Variants in NUBPL observed in about 807,000 individuals in gnomAD.
The protein encoded by NUBPL is NUBP iron-sulfur cluster assembly factor, mitochondrial, also known as iron-sulfur cluster transfer protein NUBPL.
In NUBPL, 31 loss-of-function variants were observed where a neutral mutation model predicts 45.7. The ratio of observed to expected loss-of-function variants is 0.68; its 90% confidence interval spans 0.51 to 0.92. The LOEUF (loss-of-function observed/expected upper bound fraction) is 0.92, where lower values mean the gene tolerates loss of function less well. NUBPL is among the 40% of genes least tolerant of loss of function. NUBPL has a pLI of 0.00. For synonymous variants in NUBPL, 144 were observed against 140.9 expected, an observed-to-expected ratio of 1.02 and a Z score of -0.15; for missense variants, 401 against 398.7, an observed-to-expected ratio of 1.01 and a Z score of -0.05.
At chr14:31,637,244 C>T (rs1287453722) in intron 4 of NUBPL, among the ~76,000 whole-genome samples, 1 of 152,228 alleles carries the variant, frequency 6.6e-6, no homozygotes, top group Non-Finnish European at 1.5e-5. Flanking sequence ...AAATTTCCCT[C>T]TACATACTGC....
intron 6 of NUBPL, among the ~76,000 whole-genome samples, chr14:31,712,388 C>A (rs1304790332): frequency 2.6e-5 from 4 of 152,342 alleles, no homozygotes; most frequent in African/African-American, 9.6e-5. Context: ...GGGAGTTCGT[C>A]CCCTGATCAA....
chr14:31,601,373 C>A (rs920650372), intron 4 of NUBPL, among the ~76,000 whole-genome samples: 4 of 152,172 alleles, frequency 2.6e-5, no homozygotes, highest in Admixed American at 6.5e-5. Flanking sequence ...GATATTGATT[C>A]TTCCTACCCA....
chr14:31,707,398 T>C (rs1343687055), intron 6 of NUBPL, among the ~76,000 whole-genome samples: 3 of 152,232 alleles, frequency 2.0e-5, no homozygotes, highest in Non-Finnish European at 2.9e-5. Context: ...TCCATCTCTC[T>C]TTCTTTCTCT....
intron 1 of NUBPL, 189 bp from the exon 2 acceptor site, chr14:31,561,879 T>C (rs1369319953): frequency 4.7e-6 from 3 of 640,934 alleles, no homozygotes; most frequent in Non-Finnish European, 8.0e-6. Flanking sequence ...GCTAGAAAAA[T>C]TTCAATTTAA....
intron 4 of NUBPL, among the ~76,000 whole-genome samples, chr14:31,618,212 T>C (rs888201344): frequency 7.9e-5 from 12 of 152,176 alleles, no homozygotes; most frequent in Admixed American, 5.9e-4. Flanking sequence ...TTGTTAATCT[T>C]TTCAAAATAC....
At chr14:31,662,153 T>C (rs1243096754) in intron 4 of NUBPL, 1 of 152,018 alleles carries the variant, frequency 6.6e-6, no homozygotes, top group African/African-American at 2.4e-5. Flanking sequence ...CCTGTTAAAT[T>C]TTAAAGAAAC....
At position 31,562,203 on chromosome 14, in the gene NUBPL, T is replaced by C; in HGVS notation, c.244T>C (p.Ser82Pro). 1 of 1,613,826 alleles carries C rather than the reference T, an allele frequency of 6.2e-7. No homozygotes were observed. ...TTCTGGAAAGGGTGGAGTCGGAAAA[T>C]CTACTACAGCAGGTATTATAGGATA... ...VASGKGGVGK[S>P]TTAVNLALAL... The change falls in exon 2 of 11, where the codon TCT (serine) becomes CCT (proline). Residue 82 changes from serine (S) to proline (P), a missense_variant. Ser to Pro is a moderately conservative substitution (Grantham distance 74). Transcript: ENST00000281081.
chr14:31,770,916 TTTC>T (rs1452402554), intron 6 of NUBPL, among the ~76,000 whole-genome samples: 2 of 152,346 alleles, frequency 1.3e-5, no homozygotes, highest in African/African-American at 4.8e-5. Context: ...TCTCAGTTGA[TTTC>T]TTATTTGCTA....
intron 3 of NUBPL, among the ~76,000 whole-genome samples, chr14:31,577,452 G>A (rs1281842538): frequency 2.0e-4 from 31 of 152,052 alleles, no homozygotes; most frequent in Admixed American, 2.0e-3. Context: ...CTTACTCTGT[G>A]GCCCAGGCTA....
intron 4 of NUBPL, among the ~76,000 whole-genome samples, chr14:31,625,476 T>C (rs1455689375): frequency 7.4e-6 from 1 of 135,736 alleles, no homozygotes; most frequent in Non-Finnish European, 1.7e-5. Context: ...TTCTTTTCTT[T>C]CTTTTTTTTT....
chr14:31,662,140 G>A (rs1307120282), intron 4 of NUBPL: 2 of 151,832 alleles, frequency 1.3e-5, no homozygotes, highest in Admixed American at 6.6e-5. Context: ...GCCAAAGTGA[G>A]TACCTGTTAA....
chr14:31,747,383 C>T (rs1018413730), intron 6 of NUBPL, among the ~76,000 whole-genome samples: 2 of 152,100 alleles, frequency 1.3e-5, no homozygotes, highest in East Asian at 3.9e-4. Context: ...GTGGTCCACC[C>T]GCCTTGGCCT....
chr14:31,688,592 G>GAAAAAAAAAAA (rs544662104), intron 6 of NUBPL, among the ~76,000 whole-genome samples: 21 of 75,668 alleles, frequency 2.8e-4, no homozygotes, highest in South Asian at 5.0e-4. Context: ...AGAAAAAAAA[G>GAAAAAAAAAAA]AAAAAAAAAA....
intron 3 of NUBPL, among the ~76,000 whole-genome samples, chr14:31,584,218 G>A (rs1023069827): frequency 6.6e-6 from 1 of 151,804 alleles, no homozygotes; most frequent in Non-Finnish European, 1.5e-5. Flanking sequence ...TCTGCCTCCC[G>A]GGCTCAAGCA....
chr14:31,672,271 A>ATGTGTG (rs1491399039), intron 4 of NUBPL, among the ~76,000 whole-genome samples: 4 of 57,392 alleles, frequency 7.0e-5, no homozygotes, highest in Non-Finnish European at 1.0e-4. Flanking sequence ...GACTGATTAG[A>ATGTGTG]TATGTGTGTG....
intron 6 of NUBPL, among the ~76,000 whole-genome samples, chr14:31,686,296 G>A (rs1335079553): frequency 6.6e-6 from 1 of 152,168 alleles, no homozygotes; most frequent in African/African-American, 2.4e-5. Flanking sequence ...TGAAGTCCTG[G>A]TTTCAAGAAA....
rs533885277 is a variant in NUBPL at position 31,729,316 on chromosome 14, A to G, written c.513+55742A>G. 1.3e-4 allele frequency among the ~76,000 whole-genome samples: 17 copies of G among 135,274 alleles called. No individual in the cohort carries two copies. The South Asian group carries it at 3.7e-3, about 29-fold the overall frequency. 88.7% of individuals were successfully genotyped at this position (135,274 alleles called of 152,430 possible). A position where few individuals can be genotyped will look rare whatever the true frequency, so the allele number is the denominator to read the frequency against. ...AAAAAAAGTCATTCAACAAATATGT[A>G]TATCTTACCCCAGACACCATATGCA... On this transcript the variant is annotated intron_variant, in intron 6 of 10. Coordinates refer to ENST00000281081, the MANE Select transcript of NUBPL (RefSeq NM_025152.3).
In NUBPL at chr14:31,739,179, A is replaced by AAT. The variant is rs764759367; in HGVS notation, c.514-48586_514-48585dup. ...CAGATGCCCGCCACCACACCTGGCTAATATATATATATATATTATATTCTA... is the reference window on the plus strand; with the variant it reads ...CAGATGCCCGCCACCACACCTGGCTAATATATATATATATATATTATATTCTA... On this transcript the variant is annotated intron_variant, in intron 6 of 10. Transcript: ENST00000281081. Among the ~76,000 whole-genome samples, 522 of 140,452 alleles carry AAT rather than the reference A, an allele frequency of 3.7e-3. 8 individuals are homozygous for AAT. The highest frequency in any genetic ancestry group is 0.036 in the East Asian group (180 of 5,054). 92.1% of individuals were successfully genotyped at this position (140,452 alleles called of 152,430 possible). A position where few individuals can be genotyped will look rare whatever the true frequency, so the allele number is the denominator to read the frequency against.
At chr14:31,793,915 A>C in intron 7 of NUBPL, among the ~76,000 whole-genome samples, 1 of 84,786 alleles carries the variant, frequency 1.2e-5, no homozygotes, top group African/African-American at 5.1e-5. Context: ...AGAGTGTGAT[A>C]TTCCCCTTCC....
Sources: gnomAD v4.1 joint callset for allele counts (sites outside exome capture counted in the v4.1 genomes callset) on GRCh38, gnomAD v4.1.1 for gene constraint, MANE v1.5 for transcripts, NCBI Gene and HGNC (gene_info 2026-07-23, HGNC 2026-07-21) for gene names.